Variants in TENM3 observed in about 807,000 individuals in gnomAD.
TENM3 encodes the protein teneurin-3.
In TENM3, 63 loss-of-function variants were observed where a neutral mutation model predicts 255.1. The observed-to-expected ratio is 0.25, with a 90% CI of 0.20 to 0.30. TENM3 has a LOEUF of 0.30. Among genes scored for constraint, TENM3 ranks in the 10% least tolerant of loss-of-function variants. TENM3 has a pLI of 1.00. For missense variants in TENM3, 2,929 were observed against 3,461.1 expected, an observed-to-expected ratio of 0.85 and a Z score of 3.86; for synonymous variants, 1,306 against 1,322.3, an observed-to-expected ratio of 0.99 and a Z score of 0.27.
the TENM3 span, among the ~76,000 whole-genome samples, chr4:181,789,647 T>C: frequency 6.6e-6 from 1 of 152,066 alleles, no homozygotes; most frequent in East Asian, 1.9e-4. Context: ...GACCAAGCAG[T>C]TATAGGATTT....
chr4:181,754,529 T>C, the TENM3 span, among the ~76,000 whole-genome samples: 3 of 152,138 alleles, frequency 2.0e-5, no homozygotes, highest in African/African-American at 7.2e-5. Flanking sequence ...AGATGGGTAA[T>C]ATCTCAAATG....
chr4:181,592,651 T>C, the TENM3 span, among the ~76,000 whole-genome samples: 4 of 144,706 alleles, frequency 2.8e-5, no homozygotes, highest in Non-Finnish European at 6.0e-5. Flanking sequence ...TGGAGACTGC[T>C]GAAAATCTCT....
chr4:181,643,413 A>G, the TENM3 span, among the ~76,000 whole-genome samples: 2 of 152,184 alleles, frequency 1.3e-5, no homozygotes, highest in African/African-American at 4.8e-5. Flanking sequence ...GGTTTTCTAA[A>G]TATACAATCA....
chr4:182,048,673 G>GT, the TENM3 span, among the ~76,000 whole-genome samples: 130 of 152,172 alleles, frequency 8.5e-4, 1 homozygote, highest in Admixed American at 2.2e-3. Context: ...TACCATTCAA[G>GT]TGCCAAAAAA....
At chr4:181,772,515 AT>A in the TENM3 span, among the ~76,000 whole-genome samples, 3 of 152,232 alleles carry the variant, frequency 2.0e-5, no homozygotes, top group African/African-American at 7.2e-5. Flanking sequence ...TAATACTTTG[AT>A]TTTAAAAAAA....
intron 4 of TENM3, among the ~76,000 whole-genome samples, chr4:182,626,579 T>G (rs1338723080): frequency 2.0e-5 from 3 of 152,170 alleles, no homozygotes; most frequent in Admixed American, 6.5e-5. Context: ...ACCCACCATC[T>G]TGCAGCTATT....
the TENM3 span, chr4:181,522,696 C>A: frequency 1.5e-6 from 1 of 667,454 alleles, no homozygotes; most frequent in Non-Finnish European, 2.9e-6. Context: ...TGATGTGGCT[C>A]ATTATTTTGA....
At chr4:182,417,490 T>A (rs1313832421) in intron 3 of TENM3, among the ~76,000 whole-genome samples, 1 of 152,232 alleles carries the variant, frequency 6.6e-6, no homozygotes, top group African/African-American at 2.4e-5. Context: ...CTTTATTTTT[T>A]ACTTGCATTC....
At chr4:182,798,192 A>G (rs930780415) in intron 27 of TENM3, among the ~76,000 whole-genome samples, 1 of 152,048 alleles carries the variant, frequency 6.6e-6, no homozygotes, top group South Asian at 2.1e-4. Flanking sequence ...TTTTTTGTAG[A>G]GATAAGAGTC....
chr4:182,742,192 T>C (rs887062605), intron 18 of TENM3, among the ~76,000 whole-genome samples: 1 of 152,252 alleles, frequency 6.6e-6, no homozygotes, highest in Non-Finnish European at 1.5e-5. Flanking sequence ...CTGATCTGTA[T>C]AGAGCAATGG....
Position 182,799,977 on chromosome 4 carries a change from A to T in TENM3, c.7726A>T (p.Asn2576Tyr). 11 of 1,592,070 alleles carry T rather than the reference A, an allele frequency of 6.9e-6. No individual in the cohort carries two copies. The highest frequency in any genetic ancestry group is 9.4e-6 in the Non-Finnish European group (11 of 1,170,096). Residue 2576 changes from asparagine (N) to tyrosine (Y), a missense_variant, in exon 28 of 28, where the codon AAC becomes TAC. By Grantham distance (143) the Asn-to-Tyr change is moderately radical. Transcript: ENST00000511685. The surrounding 1 kb of genome is among the most constrained non-coding windows in gnomAD (Gnocchi z 4.2). ...SGRKALENGI[N>Y]VTVSQSTTVV... ...CCGCAAGGCGCTGGAGAACGGCATCAACGTGACGGTGTCGCAGTCCACCAC... is the reference window on the plus strand; with the variant it reads ...CCGCAAGGCGCTGGAGAACGGCATCTACGTGACGGTGTCGCAGTCCACCAC...
chr4:182,742,156 G>A (rs533396841), intron 18 of TENM3, among the ~76,000 whole-genome samples: 8 of 152,340 alleles, frequency 5.3e-5, no homozygotes, highest in South Asian at 4.1e-4. Flanking sequence ...TGACTACCCC[G>A]TGTGCATCAC....
chr4:182,659,175 G>A (rs1754004342), intron 6 of TENM3, among the ~76,000 whole-genome samples: 2 of 152,108 alleles, frequency 1.3e-5, no homozygotes, highest in Admixed American at 1.3e-4. Flanking sequence ...AAATACAATT[G>A]CCAAGCCATC....
chr4:182,431,649 G>A (rs1771656584), intron 3 of TENM3, among the ~76,000 whole-genome samples: 1 of 152,204 alleles, frequency 6.6e-6, no homozygotes. Flanking sequence ...TATGTGAACT[G>A]AGACACTAGG....
the TENM3 span, among the ~76,000 whole-genome samples, chr4:181,855,282 T>C: frequency 6.6e-6 from 1 of 152,236 alleles, no homozygotes; most frequent in African/African-American, 2.4e-5. Flanking sequence ...AGTTCTACTT[T>C]CAAAATACCA....
intron 3 of TENM3, among the ~76,000 whole-genome samples, chr4:182,579,112 G>A (rs1560952616): frequency 6.6e-6 from 1 of 152,082 alleles, no homozygotes; most frequent in African/African-American, 2.4e-5. Context: ...GTATCTCCAC[G>A]GTACTTAACA....
the TENM3 span, among the ~76,000 whole-genome samples, chr4:181,831,754 A>G: frequency 6.6e-6 from 1 of 152,168 alleles, no homozygotes; most frequent in South Asian, 2.1e-4. Context: ...ATCAAGCAGT[A>G]TTGCTTGTGT....
At chr4:181,769,013 AT>A in the TENM3 span, among the ~76,000 whole-genome samples, 3 of 151,904 alleles carry the variant, frequency 2.0e-5, no homozygotes, top group East Asian at 5.8e-4. Flanking sequence ...TTTTCAAGAG[AT>A]TTTTTTCTCT....
At chr4:181,830,509 G>A in the TENM3 span, among the ~76,000 whole-genome samples, 1 of 151,980 alleles carries the variant, frequency 6.6e-6, no homozygotes, top group East Asian at 1.9e-4. Flanking sequence ...CTGACCTCAG[G>A]CGATCCACCC....
Sources: allele counts gnomAD v4.1 joint callset (sites outside exome capture counted in the v4.1 genomes callset), GRCh38; gene constraint gnomAD v4.1.1; non-coding constraint Gnocchi (gnomAD v3.1); transcripts MANE v1.5; gene names NCBI Gene and HGNC (gene_info 2026-07-23, HGNC 2026-07-21).